Variants in ZFAND3 observed in about 807,000 individuals in gnomAD.
ZFAND3 encodes zinc finger AN1-type containing 3.
ZFAND3 carries 10 observed loss-of-function variants against 29.6 expected under a neutral mutation model. The observed-to-expected ratio is 0.34, with a 90% CI of 0.21 to 0.57. ZFAND3 has a LOEUF of 0.57. Among genes scored for constraint, ZFAND3 ranks in the 20% least tolerant of loss-of-function variants. The pLI, the probability that ZFAND3 is intolerant of heterozygous loss-of-function variation, is 0.86. For missense variants in ZFAND3, 230 were observed against 304.5 expected, an observed-to-expected ratio of 0.76 and a Z score of 1.82; for synonymous variants, 128 against 112.6, an observed-to-expected ratio of 1.14 and a Z score of -0.87.
At chr6:37,881,740 G>T (rs1490458418) in intron 1 of ZFAND3, among the ~76,000 whole-genome samples, 2 of 151,982 alleles carry the variant, frequency 1.3e-5, no homozygotes, top group Non-Finnish European at 2.9e-5. Context: ...TTTGTTCCTT[G>T]CTCCTTAGGG....
chr6:37,874,088 T>C (rs569991443), intron 1 of ZFAND3, among the ~76,000 whole-genome samples: 2 of 152,334 alleles, frequency 1.3e-5, no homozygotes, highest in South Asian at 4.1e-4. Flanking sequence ...CAAGGTTTGT[T>C]GGCAGGGTTT....
At chr6:38,104,569 T>C (rs1441715753) in intron 4 of ZFAND3, among the ~76,000 whole-genome samples, 1 of 152,118 alleles carries the variant, frequency 6.6e-6, no homozygotes, top group Admixed American at 6.5e-5. Context: ...AATGATGTTG[T>C]ACATCAGAAA....
At chr6:37,965,379 T>C (rs770189335) in intron 2 of ZFAND3, among the ~76,000 whole-genome samples, 7 of 152,132 alleles carry the variant, frequency 4.6e-5, no homozygotes, top group Non-Finnish European at 8.8e-5. Context: ...CTCATGGATG[T>C]CAGAATATAT....
intron 5 of ZFAND3, among the ~76,000 whole-genome samples, chr6:38,147,733 G>A (rs1766139403): frequency 6.6e-6 from 1 of 152,106 alleles, no homozygotes; most frequent in African/African-American, 2.4e-5. Context: ...GATTAATGAT[G>A]TTGAGTATTT....
chr6:38,099,014 C>A (rs150683521), intron 4 of ZFAND3, among the ~76,000 whole-genome samples: 6 of 152,166 alleles, frequency 3.9e-5, no homozygotes, highest in Non-Finnish European at 8.8e-5. Flanking sequence ...GAAAGTAATT[C>A]TTAACAGAGA....
chr6:37,902,493 ACAC>A (rs916033013), intron 1 of ZFAND3, among the ~76,000 whole-genome samples: 3 of 151,968 alleles, frequency 2.0e-5, no homozygotes, highest in African/African-American at 7.3e-5. Flanking sequence ...CTGTCTCAAA[ACAC>A]CACCACCACC....
chr6:38,073,473 A>G (rs1764495512), intron 3 of ZFAND3, among the ~76,000 whole-genome samples: 2 of 152,210 alleles, frequency 1.3e-5, no homozygotes, highest in African/African-American at 4.8e-5. Context: ...TAAGCCTGTA[A>G]ATAGTCAAAA....
intron 5 of ZFAND3, among the ~76,000 whole-genome samples, chr6:38,137,424 T>C (rs1482736122): frequency 6.6e-6 from 1 of 152,242 alleles, no homozygotes; most frequent in Non-Finnish European, 1.5e-5. Context: ...TTTTCTGTTT[T>C]TCTATCTTGT....
At chr6:37,978,756 C>A (rs1467538100) in intron 2 of ZFAND3, among the ~76,000 whole-genome samples, 1 of 152,190 alleles carries the variant, frequency 6.6e-6, no homozygotes, top group East Asian at 1.9e-4. Context: ...CCTCTGCCTC[C>A]TGGGTTCAAG....
At chr6:37,943,255 C>T (rs760227954) in intron 2 of ZFAND3, among the ~76,000 whole-genome samples, 1 of 152,146 alleles carries the variant, frequency 6.6e-6, no homozygotes, top group Non-Finnish European at 1.5e-5. Context: ...ACTAAATGCC[C>T]TGTACTTCAG....
At chr6:38,064,257 C>G (rs1764299553) in intron 3 of ZFAND3, among the ~76,000 whole-genome samples, 2 of 152,190 alleles carry the variant, frequency 1.3e-5, no homozygotes, top group South Asian at 4.1e-4. Flanking sequence ...ATTCAAGCCA[C>G]CAAAATGCAT....
At chr6:38,128,185 T>C (rs1422085403) in intron 5 of ZFAND3, among the ~76,000 whole-genome samples, 1 of 152,212 alleles carries the variant, frequency 6.6e-6, no homozygotes, top group Non-Finnish European at 1.5e-5. Flanking sequence ...AGATCAATAA[T>C]AAATTACAAA....
chr6:37,905,607 C>T (rs1055135021), intron 1 of ZFAND3, among the ~76,000 whole-genome samples: 8 of 152,002 alleles, frequency 5.3e-5, no homozygotes, highest in Admixed American at 2.0e-4. Flanking sequence ...GGACATTTTG[C>T]GGAAGGTGTT....
intron 1 of ZFAND3, among the ~76,000 whole-genome samples, chr6:37,824,808 A>G (rs916647933): frequency 9.9e-5 from 15 of 152,222 alleles, no homozygotes; most frequent in African/African-American, 3.6e-4. Flanking sequence ...TTTTATAATC[A>G]TTGCTGTTGA....
intron 3 of ZFAND3, among the ~76,000 whole-genome samples, chr6:38,072,205 T>G (rs1433439789): frequency 6.6e-6 from 1 of 152,122 alleles, no homozygotes; most frequent in Non-Finnish European, 1.5e-5. Context: ...TTGCCTGTTG[T>G]AAAATAACCA....
At chr6:38,113,839 C>T (rs932423117) in intron 4 of ZFAND3, among the ~76,000 whole-genome samples, 1 of 152,110 alleles carries the variant, frequency 6.6e-6, no homozygotes, top group East Asian at 1.9e-4. Context: ...ATTGTCTTCT[C>T]CTTGCAGGAA....
At chr6:38,106,445 C>T (rs539645475) in intron 4 of ZFAND3, among the ~76,000 whole-genome samples, 6 of 152,242 alleles carry the variant, frequency 3.9e-5, no homozygotes, top group East Asian at 1.9e-4. Context: ...CCACCACTCC[C>T]GGCCTACAAA....
intron 3 of ZFAND3, among the ~76,000 whole-genome samples, chr6:38,068,136 G>A (rs1329165143): frequency 6.6e-6 from 1 of 152,092 alleles, no homozygotes; most frequent in Non-Finnish European, 1.5e-5. Context: ...GAATTAAACA[G>A]CAACCAGCTC....
chr6:37,821,241 TGTC>T (rs1763661581), intron 1 of ZFAND3, among the ~76,000 whole-genome samples: 2 of 152,356 alleles, frequency 1.3e-5, no homozygotes, highest in South Asian at 2.1e-4. Flanking sequence ...CTGTGGAAGT[TGTC>T]GTATCTCAAG....
Sources: allele counts gnomAD v4.1 joint callset (sites outside exome capture counted in the v4.1 genomes callset), GRCh38; gene constraint gnomAD v4.1.1; transcripts MANE v1.5; gene names NCBI Gene and HGNC (gene_info 2026-07-23, HGNC 2026-07-21).